The following TOP1MT variants were observed in gnomAD, a reference collection of about 807,000 sequenced individuals.
The protein encoded by TOP1MT is DNA topoisomerase I, mitochondrial.
TOP1MT carries 80 observed loss-of-function variants against 73.9 expected under a neutral mutation model. The observed-to-expected ratio is 1.08, with a 90% CI of 0.90 to 1.30. The LOEUF is 1.30. TOP1MT is among the 50% of genes most tolerant of loss of function. The probability of loss-of-function intolerance (pLI) is 0.00; values close to 1 mark genes in which losing one functional copy is unlikely to be tolerated. For missense variants in TOP1MT, 815 were observed against 808.0 expected (o/e 1.01, Z -0.10); for synonymous variants, 338 against 326.4 (o/e 1.04, Z -0.38).
intron 1 of TOP1MT, among the ~76,000 whole-genome samples, chr8:143,351,979 G>A (rs1817327879): frequency 6.6e-6 from 1 of 152,262 alleles, no homozygotes; most frequent in African/African-American, 2.4e-5. Flanking sequence ...CTACTCAGGA[G>A]GCTGAGGCAG....
upstream of TOP1MT, among the ~76,000 whole-genome samples, chr8:143,349,524 AC>A (rs1817285649): frequency 6.7e-6 from 1 of 149,856 alleles, no homozygotes; most frequent in South Asian, 2.1e-4. Flanking sequence ...TTTCCAATAA[AC>A]CCCCCAGCAT....
upstream of TOP1MT, chr8:143,334,923 C>T: frequency 7.7e-7 from 1 of 1,291,088 alleles, no homozygotes; most frequent in Non-Finnish European, 9.7e-7. Flanking sequence ...CCCCGCCCCG[C>T]CCCCAGCGGC....
rs201063889 is a variant in TOP1MT at position 143,309,548 on chromosome 8, G to A, written c.1704-5C>T. On this transcript the variant is annotated splice_region_variant and splice_polypyrimidine_tract_variant and intron_variant, in intron 13 of 13. Transcript: ENST00000329245. ...GGCACCCTGAACCGCTTGCACCTGC[G>A]GGAGGCAGCATCAGCCCAGGCAAGC... is the stretch of plus-strand genomic sequence containing the variant. The A allele has an allele frequency of 1.4e-4, 223 of 1,613,510 alleles. No individual in the cohort carries two copies. The Admixed American group carries it at 2.2e-3, about 16-fold the overall frequency.
chr8:143,318,217 G>A (rs564456448), intron 8 of TOP1MT, 131 bp from the exon 9 acceptor site: 15 of 723,478 alleles, frequency 2.1e-5, no homozygotes, highest in Middle Eastern at 7.3e-4. Context: ...CAGCATCACC[G>A]TCACCTGTCG....
In TOP1MT at chr8:143,324,593, C is replaced by A. The variant is rs752967286; in HGVS notation, c.708G>T (p.Gln236His). Residue 236 changes from glutamine to histidine, a missense_variant, in exon 6 of 14, where the codon CAG becomes CAT. Physicochemically the swap from Gln to His is conservative, Grantham distance 24. Transcript: ENST00000329245. ...SKIPEPPAGH[Q>H]WKEVRSDNTV... ...TGTTATCGGAGCGCACCTCCTTCCACTGGTGCCCCGCCGGCGGCTCGGGGA... is the reference window on the plus strand; with the variant it reads ...TGTTATCGGAGCGCACCTCCTTCCAATGGTGCCCCGCCGGCGGCTCGGGGA... 2 of 1,613,640 alleles carry A rather than the reference C, an allele frequency of 1.2e-6. No individual in the cohort carries two copies. Among genetic ancestry groups the A allele is most frequent in the Admixed American group, 1.7e-5 (1 of 60,010 alleles).
In TOP1MT at chr8:143,334,826, A is replaced by G; in HGVS notation, c.36T>C (p.Ala12=). The change falls in exon 1 of 14, where the codon GCT becomes GCC. Residue 12 remains alanine, a synonymous_variant. Coordinates refer to ENST00000329245, the MANE Select transcript of TOP1MT (RefSeq NM_052963.3). ...RVVRLLRLRA[A]LTLLGEVPRR... ...GGGGGACCTCCCCGAGCAGCGTCAG[A>G]GCCGCCCGGAGCCGCAGCAGCCGCA... 1 of 1,520,816 alleles carries G rather than the reference A, an allele frequency of 6.6e-7. No homozygotes were observed. The highest frequency in any genetic ancestry group is 8.7e-7 in the Non-Finnish European group (1 of 1,148,942). 94.2% of individuals were successfully genotyped at this position (1,520,816 alleles called of 1,614,324 possible). A position where few individuals can be genotyped will look rare whatever the true frequency, so the allele number is the denominator to read the frequency against.
intron 10 of TOP1MT, among the ~76,000 whole-genome samples, chr8:143,317,459 G>A (rs564420171): frequency 6.6e-6 from 1 of 152,336 alleles, no homozygotes; most frequent in Non-Finnish European, 1.5e-5. Context: ...CAGGCCATGG[G>A]GCCTGAGTAG....
At chr8:143,311,312 G>A (rs1816009467) in intron 12 of TOP1MT, among the ~76,000 whole-genome samples, 1 of 152,038 alleles carries the variant, frequency 6.6e-6, no homozygotes, top group Admixed American at 6.5e-5. Flanking sequence ...TCTGGGGACA[G>A]GAGGTCAGGG....
chr8:143,359,033 G>A (rs1586790427), upstream of TOP1MT, among the ~76,000 whole-genome samples: 1 of 151,120 alleles, frequency 6.6e-6, no homozygotes, highest in African/African-American at 2.4e-5. Context: ...TTTAGAGACA[G>A]GGTCTCACTA....
At chr8:143,321,838 GCCACAC>G (rs1816405689) in intron 7 of TOP1MT, among the ~76,000 whole-genome samples, 1 of 51,436 alleles carries the variant, frequency 1.9e-5, no homozygotes. Flanking sequence ...ACACACACAC[GCCACAC>G]GCACGCCACA....
rs946954782 is a variant in TOP1MT, at chr8:143,321,314, C to T, written c.1033G>A (p.Val345Met). ...TCCGGGTGCAGCTGGACGTGCTCCA[C>T]GCGGAGGGAACAGCAGCCCACGGTG... ...ADTVGCCSLR[V>M]EHVQLHPEAD... is the part of the protein sequence containing the mutation. Residue 345 changes from valine to methionine, a missense_variant, in exon 8 of 14, where the codon GTG becomes ATG. Physicochemically the swap from Val to Met is conservative, Grantham distance 21. This residue lies in a region of TOP1MT where 751 missense variants were observed against 725.4 expected (regional missense o/e 1.04). Coordinates refer to ENST00000329245, the MANE Select transcript of TOP1MT (RefSeq NM_052963.3). The T allele has an allele frequency of 2.5e-6, 4 of 1,611,832 alleles. No homozygotes were observed. The highest frequency in any genetic ancestry group is 3.3e-5 in the Admixed American group (2 of 59,900).
chr8:143,317,918 G>A, intron 9 of TOP1MT, 81 bp from the exon 10 acceptor site: 4 of 1,594,928 alleles, frequency 2.5e-6, no homozygotes, highest in Non-Finnish European at 3.4e-6. Flanking sequence ...GGACATGTCA[G>A]CCGTTGGGTC....
chr8:143,315,025 A>G (rs528567937), intron 12 of TOP1MT, among the ~76,000 whole-genome samples: 34 of 152,224 alleles, frequency 2.2e-4, no homozygotes, highest in African/African-American at 5.3e-4. Flanking sequence ...GAAGATGCCT[A>G]TTGCCAGGCC....
Position 143,325,437 on chromosome 8 carries a change from G to A in TOP1MT, c.580C>T (p.Pro194Ser), listed in dbSNP as rs750815514. The A allele has an allele frequency of 1.2e-6, 2 of 1,613,596 alleles. No homozygotes were observed. Among genetic ancestry groups the A allele is most frequent in the East Asian group, 2.2e-5 (1 of 44,866 alleles). ...EKIGNFKIEP[P>S]GLFRGRGDHP... is the part of the protein sequence containing the mutation. ...TCGCCACGGCCACGGAACAAGCCAGGCGGCTCAATCTTGAAGTTGCCTATT... is the reference window on the plus strand; with the variant it reads ...TCGCCACGGCCACGGAACAAGCCAGACGGCTCAATCTTGAAGTTGCCTATT... The change falls in exon 5 of 14, where the codon CCT becomes TCT. Residue 194 changes from proline to serine, a missense_variant. Pro to Ser is a moderately conservative substitution (Grantham distance 74, BLOSUM62 -1). This residue lies in a region of TOP1MT where 751 missense variants were observed against 725.4 expected (regional missense o/e 1.04). Transcript: ENST00000329245.
In TOP1MT at chr8:143,341,218, C is replaced by CT. The variant is rs890537825; in HGVS notation, c.29+2001dup. Among the ~76,000 whole-genome samples the CT allele has an allele frequency of 1.7e-4, 26 of 150,756 alleles. No individual in the cohort carries two copies. Among genetic ancestry groups the CT allele is most frequent in the South Asian group, 8.4e-4 (4 of 4,752 alleles). On this transcript the variant is annotated intron_variant, in intron 2 of 5. Coordinates refer to the TOP1MT transcript ENST00000518007. The surrounding 1 kb of genome is among the most constrained non-coding windows in gnomAD (Gnocchi z 4.1). ...TTTCTCCCCTTTCTCTTCGGATATTCTTTTTTTTTTCTCAGTTTGTGCCTC... is the reference window on the plus strand; with the variant it reads ...TTTCTCCCCTTTCTCTTCGGATATTCTTTTTTTTTTTCTCAGTTTGTGCCTC...
At chr8:143,336,389 A>C (rs528837999), upstream of TOP1MT, among the ~76,000 whole-genome samples, 2 of 152,330 alleles carry the variant, frequency 1.3e-5, no homozygotes, top group South Asian at 2.1e-4. Context: ...GCACCATTTC[A>C]TGATAAACAG....
rs763983283 is a variant in TOP1MT, at chr8:143,321,341, C to T, written c.1006G>A (p.Asp336Asn). ...CGGAGGGAACAGCAGCCCACGGTGT[C>T]GGCCGCCTCACCGTCCTCCTTCTCA... ...GNEKEDGEAA[D>N]TVGCCSLRVE... The change falls in exon 8 of 14, where the codon GAC (aspartate) becomes AAC (asparagine). Residue 336 changes from aspartate (D) to asparagine (N), a missense_variant. This residue lies in a region of TOP1MT where 751 missense variants were observed against 725.4 expected (regional missense o/e 1.04). Coordinates refer to ENST00000329245, the MANE Select transcript of TOP1MT (RefSeq NM_052963.3). 11 of 1,599,990 alleles carry T rather than the reference C, an allele frequency of 6.9e-6. No homozygotes were observed. The highest frequency in any genetic ancestry group is 1.3e-5 in the African/African-American group (1 of 74,466).
intron 1 of TOP1MT, chr8:143,332,371 G>C (rs1816880967): frequency 1.3e-6 from 1 of 762,740 alleles, no homozygotes; most frequent in Non-Finnish European, 1.9e-6. Flanking sequence ...GCCTCAGTGG[G>C]AGAGGCTTTG....
upstream of TOP1MT, among the ~76,000 whole-genome samples, chr8:143,347,688 GCAGCCAGCCAGCCAGC>G (rs36222627): frequency 2.7e-5 from 4 of 149,986 alleles, no homozygotes; most frequent in Non-Finnish European, 4.4e-5. Flanking sequence ...CAGCAGGCAG[GCAGCCAGCCAGCCAGC>G]CAGCCAGCCA....
Sources: gnomAD v4.1 joint callset for allele counts (sites outside exome capture counted in the v4.1 genomes callset) on GRCh38, gnomAD v4.1.1 for gene constraint, gnomAD v4.1.1 regional missense constraint, Gnocchi (gnomAD v3.1) non-coding constraint, MANE v1.5 for transcripts, NCBI Gene and HGNC (gene_info 2026-07-23, HGNC 2026-07-21) for gene names.